RSU1: variants seen among roughly 807,000 people sequenced by gnomAD.
RSU1 encodes the protein rsu-1.
RSU1 carries 26 observed loss-of-function variants against 31.1 expected under a neutral mutation model. That is an observed-to-expected ratio of 0.84 (90% CI 0.61 to 1.16). The LOEUF is 1.16. RSU1 is among the 50% of genes most tolerant of loss of function. The pLI, the probability that RSU1 is intolerant of heterozygous loss-of-function variation, is 0.00. For missense variants in RSU1, 320 were observed against 339.1 expected (o/e 0.94, Z 0.44); for synonymous variants, 164 against 136.3 (o/e 1.20, Z -1.41).
chr10:16,795,053 A>T (rs570397401), intron 2 of RSU1, among the ~76,000 whole-genome samples: 10 of 152,360 alleles, frequency 6.6e-5, no homozygotes, highest in Admixed American at 2.0e-4. Flanking sequence ...TGTTCACTAG[A>T]ATCAAAAATG....
chr10:16,811,059 C>T (rs1361957339), intron 2 of RSU1, among the ~76,000 whole-genome samples: 6 of 152,036 alleles, frequency 3.9e-5, no homozygotes, highest in South Asian at 2.1e-4. Flanking sequence ...AATATGACAG[C>T]GGTCCCACGA....
intron 8 of RSU1, among the ~76,000 whole-genome samples, chr10:16,597,974 G>T (rs1261954828): frequency 1.3e-5 from 2 of 152,242 alleles, no homozygotes; most frequent in African/African-American, 4.8e-5. Context: ...GGCTATGGCA[G>T]TGGCGGTGCA....
At chr10:16,598,411 G>T (rs887900901) in intron 8 of RSU1, among the ~76,000 whole-genome samples, 1 of 152,082 alleles carries the variant, frequency 6.6e-6, no homozygotes, top group African/African-American at 2.4e-5. Flanking sequence ...TTAGCCAGGT[G>T]TGGTGGAGCA....
At chr10:16,670,743 G>A (rs1318037936) in intron 8 of RSU1, among the ~76,000 whole-genome samples, 2 of 152,024 alleles carry the variant, frequency 1.3e-5, no homozygotes. Context: ...GGTCAGTACT[G>A]GTCAGCACCA....
At chr10:16,811,731 A>C (rs1838414262) in intron 2 of RSU1, among the ~76,000 whole-genome samples, 1 of 152,226 alleles carries the variant, frequency 6.6e-6, no homozygotes, top group Non-Finnish European at 1.5e-5. Context: ...TGATAGCTGG[A>C]AACTGCTTCC....
At chr10:16,792,714 G>A (rs1458237153) in intron 2 of RSU1, among the ~76,000 whole-genome samples, 7 of 152,236 alleles carry the variant, frequency 4.6e-5, no homozygotes, top group East Asian at 3.8e-4. Flanking sequence ...AGACAGCCAC[G>A]TTAATGCAAA....
Position 16,693,154 on chromosome 10 carries a change from T to C in RSU1, c.731+1869A>G, listed in dbSNP as rs546148241. 7.9e-5 allele frequency among the ~76,000 whole-genome samples: 12 copies of C among 152,262 alleles called. No homozygotes were observed. The South Asian group carries it at 1.9e-3, about 24-fold the overall frequency. The stretch of plus-strand genomic sequence containing the variant: ...AATTTTTGTGTTTTTAGTTTCACCA[T>C]GTTGGCCAGGCTGATCTCAAACTCC... On this transcript the variant is annotated intron_variant, in intron 8 of 8. Coordinates refer to ENST00000345264, the MANE Select transcript of RSU1 (RefSeq NM_012425.4).
chr10:16,815,697 T>A (rs1485534902), intron 2 of RSU1, among the ~76,000 whole-genome samples: 1 of 152,026 alleles, frequency 6.6e-6, no homozygotes, highest in African/African-American at 2.4e-5. Flanking sequence ...AAAAAATCAG[T>A]ACAATCCTAT....
chr10:16,741,279 T>A (rs965453093), intron 7 of RSU1, among the ~76,000 whole-genome samples: 15 of 152,174 alleles, frequency 9.9e-5, no homozygotes, highest in African/African-American at 3.6e-4. Flanking sequence ...TAAAACTGAA[T>A]CCTTAGCTCA....
At chr10:16,725,697 G>A (rs771348956) in intron 7 of RSU1, among the ~76,000 whole-genome samples, 17 of 151,348 alleles carry the variant, frequency 1.1e-4, no homozygotes, top group South Asian at 4.2e-4. Flanking sequence ...TGCAGCCCTC[G>A]CCAGAAAACT....
intron 3 of RSU1, among the ~76,000 whole-genome samples, chr10:16,778,692 G>A (rs550566328): frequency 1.1e-4 from 16 of 152,172 alleles, no homozygotes; most frequent in Non-Finnish European, 2.2e-4. Flanking sequence ...TGGTAGAGAG[G>A]AGGAGGGAGG....
intron 7 of RSU1, among the ~76,000 whole-genome samples, chr10:16,738,958 G>A (rs1442079137): frequency 2.0e-5 from 3 of 151,242 alleles, no homozygotes; most frequent in African/African-American, 7.3e-5. Context: ...GAGAACATGT[G>A]GTGTTTGGTT....
intron 8 of RSU1, among the ~76,000 whole-genome samples, chr10:16,659,900 A>C (rs1742297024): frequency 6.6e-6 from 1 of 152,264 alleles, no homozygotes; most frequent in Admixed American, 6.5e-5. Flanking sequence ...ACTGTATCAG[A>C]GGATTCCAAT....
chr10:16,788,030 C>T (rs1281672025), intron 2 of RSU1, among the ~76,000 whole-genome samples: 1 of 152,100 alleles, frequency 6.6e-6, no homozygotes, highest in Admixed American at 6.5e-5. Context: ...TCTTTGAGTT[C>T]AGATTTTTCT....
At chr10:16,621,108 A>G (rs1181940311) in intron 8 of RSU1, among the ~76,000 whole-genome samples, 1 of 152,194 alleles carries the variant, frequency 6.6e-6, no homozygotes, top group Non-Finnish European at 1.5e-5. Flanking sequence ...GCACAGTAGT[A>G]ACCTGTGCAA....
intron 7 of RSU1, among the ~76,000 whole-genome samples, chr10:16,747,590 C>G (rs1836880219): frequency 6.6e-6 from 1 of 152,198 alleles, no homozygotes; most frequent in African/African-American, 2.4e-5. Context: ...ACCATTACTT[C>G]TACCACTACC....
chr10:16,755,576 T>G (rs1837068250), intron 4 of RSU1, among the ~76,000 whole-genome samples: 1 of 151,838 alleles, frequency 6.6e-6, no homozygotes, highest in Non-Finnish European at 1.5e-5. Flanking sequence ...CTGCCTCATA[T>G]GCTTGTCATT....
In RSU1 at chr10:16,695,167, G is replaced by T; in HGVS notation, c.599-12C>A. 4 of 1,318,146 alleles carry T rather than the reference G, an allele frequency of 3.0e-6. No individual in the cohort carries two copies. The highest frequency in any genetic ancestry group is 4.1e-6 in the Non-Finnish European group (4 of 970,976). 81.7% of individuals were successfully genotyped at this position (1,318,146 alleles called of 1,614,324 possible). ...TAAATCCAAGTTTCCTGGGGGGGGG[G>T]AAAAAAAAAGTGAAGGTCACTTCAT... On this transcript the variant is annotated splice_polypyrimidine_tract_variant and intron_variant, in intron 7 of 8. Coordinates refer to ENST00000345264, the MANE Select transcript of RSU1 (RefSeq NM_012425.4).
intron 8 of RSU1, among the ~76,000 whole-genome samples, chr10:16,677,949 A>G (rs930533253): frequency 1.9e-5 from 2 of 105,174 alleles, no homozygotes; most frequent in African/African-American, 6.4e-5. Context: ...TCTGAAACAC[A>G]CACGTCATCT....
Sources: gnomAD v4.1 joint callset for allele counts (sites outside exome capture counted in the v4.1 genomes callset) on GRCh38, gnomAD v4.1.1 for gene constraint, MANE v1.5 for transcripts, NCBI Gene and HGNC (gene_info 2026-07-23, HGNC 2026-07-21) for gene names.